Variants in RBM47 observed in about 807,000 individuals in gnomAD.
RBM47 encodes the protein RNA binding motif protein 47, also known as RNA-binding protein 47.
RBM47 carries 21 observed loss-of-function variants against 47.1 expected under a neutral mutation model. The ratio of observed to expected loss-of-function variants is 0.45; its 90% confidence interval spans 0.32 to 0.64. The LOEUF (loss-of-function observed/expected upper bound fraction) is 0.64. RBM47 is among the 30% of genes least tolerant of loss of function. The probability of loss-of-function intolerance (pLI) is 0.05; values close to 1 mark genes in which losing one functional copy is unlikely to be tolerated. For synonymous variants in RBM47, 375 were observed against 361.7 expected (o/e 1.04, Z -0.42); for missense variants, 708 against 870.9 (o/e 0.81, Z 2.35).
intron 1 of RBM47, among the ~76,000 whole-genome samples, chr4:40,603,411 T>C (rs1183289420): frequency 6.6e-6 from 1 of 152,210 alleles, no homozygotes; most frequent in South Asian, 2.1e-4. Flanking sequence ...ATTAAGGGCA[T>C]TGTTAAACTT....
chr4:40,485,909 A>G (rs969342067), intron 2 of RBM47, among the ~76,000 whole-genome samples: 1 of 151,444 alleles, frequency 6.6e-6, no homozygotes, highest in Non-Finnish European at 1.5e-5. Context: ...AAAAAAAAAA[A>G]AAAATACAAA....
chr4:40,540,970 A>G (rs1028827036), intron 2 of RBM47, among the ~76,000 whole-genome samples: 12 of 152,022 alleles, frequency 7.9e-5, no homozygotes, highest in Non-Finnish European at 7.4e-5. Flanking sequence ...AACATCTCAA[A>G]GAAAGTCAGG....
chr4:40,477,120 T>C (rs553602358), intron 2 of RBM47, among the ~76,000 whole-genome samples: 5 of 152,154 alleles, frequency 3.3e-5, no homozygotes, highest in East Asian at 3.9e-4. Context: ...GAGGCGGAGG[T>C]TGCAGTGAGC....
intron 1 of RBM47, among the ~76,000 whole-genome samples, chr4:40,551,175 C>G (rs111387301): frequency 6.6e-6 from 1 of 152,306 alleles, no homozygotes; most frequent in African/African-American, 2.4e-5. Flanking sequence ...GGTATACACA[C>G]ATCACTATGG....
chr4:40,588,407 T>A (rs1382487775), intron 1 of RBM47, among the ~76,000 whole-genome samples: 1 of 152,178 alleles, frequency 6.6e-6, no homozygotes, highest in African/African-American at 2.4e-5. Context: ...AGAAGGTCCT[T>A]ACACATGTCT....
chr4:40,621,122 C>CTATT (rs1484795443), intron 1 of RBM47, among the ~76,000 whole-genome samples: 2 of 152,096 alleles, frequency 1.3e-5, no homozygotes, highest in Non-Finnish European at 2.9e-5. Flanking sequence ...ACTTTATGTA[C>CTATT]TATTGCCTTT....
intron 1 of RBM47, among the ~76,000 whole-genome samples, chr4:40,611,612 C>T (rs1415719199): frequency 1.1e-4 from 16 of 152,030 alleles, no homozygotes; most frequent in Admixed American, 7.9e-4. Flanking sequence ...GCCTGTAATC[C>T]CAGCTACCAG....
chr4:40,518,020 T>TA lies in RBM47; in HGVS notation c.-155+26401dup, dbSNP rs1725788567. Among the ~76,000 whole-genome samples the TA allele has an allele frequency of 3.3e-5, 5 of 152,286 alleles. No individual in the cohort carries two copies. The South Asian group carries it at 1.0e-3, about 32-fold the overall frequency. ...AAACAAATGCCAGAATTTGGGGTTT[T>TA]AAGGTAGTTGCTTTGCTTTTATTTA... On this transcript the variant is annotated intron_variant, in intron 2 of 6. Coordinates refer to ENST00000295971, the MANE Select transcript of RBM47 (RefSeq NM_001098634.2).
chr4:40,613,259 T>C (rs908429649), intron 1 of RBM47, among the ~76,000 whole-genome samples: 1 of 152,210 alleles, frequency 6.6e-6, no homozygotes, highest in African/African-American at 2.4e-5. Flanking sequence ...CCTTTAAACT[T>C]CAGGCATCTT....
intron 2 of RBM47, among the ~76,000 whole-genome samples, chr4:40,489,952 T>TG (rs1313290612): frequency 6.6e-6 from 1 of 152,212 alleles, no homozygotes; most frequent in Non-Finnish European, 1.5e-5. Flanking sequence ...CCAAGTCTGA[T>TG]TTAACCCAGA....
rs115820384 is a variant in RBM47, at chr4:40,560,354, T to C, written c.-239-15848A>G. Among the ~76,000 whole-genome samples, 616 of 152,334 alleles carry C rather than the reference T, an allele frequency of 4.0e-3. 1 individual carries two copies. Among genetic ancestry groups the C allele is most frequent in the African/African-American group, 0.014 (577 of 41,570 alleles). ...CTCCACTTTGCCAAGGCACAGGTGT[T>C]TGAGGAATGAGCATGTGCATGGCCC... On this transcript the variant is annotated intron_variant, in intron 1 of 6. Transcript: ENST00000295971.
intron 2 of RBM47, among the ~76,000 whole-genome samples, chr4:40,516,698 T>C (rs1725619698): frequency 6.6e-6 from 1 of 152,214 alleles, no homozygotes; most frequent in Admixed American, 6.5e-5. Flanking sequence ...CACTGAGCCA[T>C]TGCTGACAGG....
intron 3 of RBM47, among the ~76,000 whole-genome samples, chr4:40,447,796 G>T (rs1431076588): frequency 1.3e-5 from 2 of 152,170 alleles, no homozygotes; most frequent in African/African-American, 4.8e-5. Context: ...GGATCACAAG[G>T]TCAGGAGATC....
Position 40,426,003 on chromosome 4 carries a change from G to A in RBM47, c.1683C>T (p.Ala561=), listed in dbSNP as rs748821254. The A allele has an allele frequency of 1.9e-5, 31 of 1,614,196 alleles. No individual in the cohort carries two copies. The Admixed American group carries it at 4.2e-4, about 22-fold the overall frequency. Residue 561 remains alanine, a synonymous_variant, in exon 7 of 7, where the codon GCC becomes GCT. Transcript: ENST00000295971. ...TIATLQKNAA[A]AAAMYGGYAG... The stretch of plus-strand genomic sequence containing the variant: ...CGTATCCTCCATACATGGCGGCCGC[G>A]GCTGCCGCGTTCTTCTGTAGTGTGG...
At chr4:40,488,304 T>G (rs539815044) in intron 2 of RBM47, among the ~76,000 whole-genome samples, 16 of 121,944 alleles carry the variant, frequency 1.3e-4, no homozygotes, top group Non-Finnish European at 2.0e-4. Flanking sequence ...CACTCCAGCC[T>G]AGGTGACAGA....
chr4:40,443,492 C>T (rs1411854606), intron 3 of RBM47, among the ~76,000 whole-genome samples: 4 of 151,630 alleles, frequency 2.6e-5, no homozygotes, highest in South Asian at 2.1e-4. Flanking sequence ...CTAAGGTGGG[C>T]GGATCACCTG....
intron 1 of RBM47, among the ~76,000 whole-genome samples, chr4:40,548,676 T>G (rs1168578509): frequency 6.6e-6 from 1 of 151,958 alleles, no homozygotes; most frequent in African/African-American, 2.4e-5. Flanking sequence ...TATTACTTTT[T>G]TTTTTTTGAG....
chr4:40,555,406 C>A (rs1729982901), intron 1 of RBM47, among the ~76,000 whole-genome samples: 1 of 152,158 alleles, frequency 6.6e-6, no homozygotes, highest in African/African-American at 2.4e-5. Flanking sequence ...CTACAGCCTT[C>A]GTTTCTTGCA....
At chr4:40,485,571 T>C (rs912628280) in intron 2 of RBM47, among the ~76,000 whole-genome samples, 3 of 152,200 alleles carry the variant, frequency 2.0e-5, no homozygotes, top group Admixed American at 6.5e-5. Flanking sequence ...CTTATCACAG[T>C]ATGTTTTTAG....
Sources: allele counts gnomAD v4.1 joint callset (sites outside exome capture counted in the v4.1 genomes callset), GRCh38; gene constraint gnomAD v4.1.1; transcripts MANE v1.5; gene names NCBI Gene and HGNC (gene_info 2026-07-23, HGNC 2026-07-21).